OBSL1: variants seen among roughly 807,000 people sequenced by gnomAD.
OBSL1 encodes obscurin like cytoskeletal adaptor 1.
In OBSL1, 160 loss-of-function variants were observed where a neutral mutation model predicts 172.0. The observed-to-expected ratio is 0.93, with a 90% CI of 0.82 to 1.06. The LOEUF (loss-of-function observed/expected upper bound fraction) is 1.06. OBSL1 is among the 50% of genes least tolerant of loss of function. The pLI is 0.00. For synonymous variants in OBSL1, 1,200 were observed against 1,196.3 expected (o/e 1.00, Z -0.06); for missense variants, 2,681 against 2,715.4 (o/e 0.99, Z 0.28).
At position 219,551,019 on chromosome 2, in the gene OBSL1, G is replaced by A. The variant is rs1574512717; in HGVS notation, c.5684-177C>T. 6.1e-6 allele frequency: 9 copies of A among 1,466,890 alleles called. No individual in the cohort carries two copies. The East Asian group carries it at 1.5e-4, about 24-fold the overall frequency. 90.9% of individuals were successfully genotyped at this position (1,466,890 alleles called of 1,614,324 possible). On this transcript the variant is annotated intron_variant, in intron 20 of 20. Coordinates refer to ENST00000404537, the MANE Select transcript of OBSL1 (RefSeq NM_015311.3). ...AGGAAGGTGGGGGTCAGCTAGGGGT[G>A]GGGCACAGCGCGGCACCTGAAGGGA...
Position 219,563,385 on chromosome 2 carries a change from C to T in OBSL1, c.2650G>A (p.Glu884Lys), listed in dbSNP as rs1023984420. 3 of 1,599,536 alleles carry T rather than the reference C, an allele frequency of 1.9e-6. No individual in the cohort carries two copies. Among genetic ancestry groups the T allele is most frequent in the African/African-American group, 1.3e-5 (1 of 74,780 alleles). Residue 884 changes from glutamate (E) to lysine (K), a missense_variant, in exon 7 of 21, where the codon GAG becomes AAG. Coordinates refer to ENST00000404537, the MANE Select transcript of OBSL1 (RefSeq NM_015311.3). ...ATGGTGACAGTGAAGTAGGCACACT[C>T]ATCTCCAGCGACGCACTGAAACTCG... ...GGEFQCVAGDECAYFTVTITD... is the reference protein window; with the variant it reads ...GGEFQCVAGDKCAYFTVTITD...
In OBSL1 at chr2:219,551,578, G is replaced by C. The variant is rs1024820522; in HGVS notation, c.5634C>G (p.Tyr1878Ter). ...HDVRPEDQGTYCCQAGQDSTH... is the reference protein window; with the variant it reads ...HDVRPEDQGT ...TGCTGTCCTGGCCGGCCTGGCAGCAGTAAGTGCCTTGGTCCTCAGGTCGAA... is the reference window on the plus strand; with the variant it reads ...TGCTGTCCTGGCCGGCCTGGCAGCACTAAGTGCCTTGGTCCTCAGGTCGAA... Residue 1878 changes from tyrosine to a stop codon, truncating the protein, a stop_gained, in exon 20 of 21, where the codon TAC (tyrosine) becomes TAG (stop). Transcript: ENST00000404537. LOFTEE classifies it high-confidence loss of function. The C allele has an allele frequency of 1.9e-6, 3 of 1,606,852 alleles. No individual in the cohort carries two copies. Among genetic ancestry groups the C allele is most frequent in the South Asian group, 2.2e-5 (2 of 89,578 alleles).
rs750726248 is a variant in OBSL1, at chr2:219,551,702, C to T, written c.5510G>A (p.Gly1837Asp). 4.3e-6 allele frequency: 7 copies of T among 1,610,210 alleles called. No individual in the cohort carries two copies. The highest frequency in any genetic ancestry group is 2.7e-5 in the African/African-American group (2 of 74,852). The change falls in exon 20 of 21, where the codon GGC becomes GAC. Residue 1837 changes from glycine to aspartate, a missense_variant. By Grantham distance (94) the Gly-to-Asp change is moderately conservative (BLOSUM62 -1). Around this residue, in one of 5 missense-constraint regions of OBSL1, gnomAD observed 1,765 missense variants for 1,748.3 expected, o/e 1.01. Transcript: ENST00000404537. ...VLEVTVSRSG[G>D]HVCWLREGAE... ...CCCCTCCCGCAGCCAGCACACGTGG[C>T]CCCCCGAGCGGGACACAGTCACCTC...
chr2:219,562,015 A>C (rs1212119328), intron 8 of OBSL1: 1 of 717,484 alleles, frequency 1.4e-6, no homozygotes. Flanking sequence ...GACTCTGCAG[A>C]CCAAACAAAG....
chr2:219,565,925 A>G (rs1231514267), intron 5 of OBSL1, among the ~76,000 whole-genome samples: 2 of 152,196 alleles, frequency 1.3e-5, no homozygotes, highest in Admixed American at 6.5e-5. Context: ...AACTCCAGCA[A>G]TGGTGACATG....
chr2:219,567,969 CCT>C lies in OBSL1; in HGVS notation c.1283-2_1283-1del, dbSNP rs1319230808. The C allele has an allele frequency of 6.2e-7, 1 of 1,613,280 alleles. No individual in the cohort carries two copies. Among genetic ancestry groups the C allele is most frequent in the African/African-American group, 1.3e-5 (1 of 74,926 alleles). On this transcript the variant is annotated splice_acceptor_variant, in intron 2 of 20. Transcript: ENST00000404537. LOFTEE classifies it high-confidence loss of function. Reference sequence around the variant, plus strand: ...CCGGGGCAGGCGCTTCAGGATGGGCCCTGAGATGCGGACAGGAATCCATCAAC... The same window carrying C: ...CCGGGGCAGGCGCTTCAGGATGGGCCGAGATGCGGACAGGAATCCATCAAC...
At position 219,551,816 on chromosome 2, in the gene OBSL1, G is replaced by A. The variant is rs745645567; in HGVS notation, c.5414-18C>T. 1.0e-5 allele frequency: 15 copies of A among 1,495,424 alleles called. No individual in the cohort carries two copies. Among genetic ancestry groups the A allele is most frequent in the South Asian group, 3.6e-5 (3 of 82,240 alleles). 92.6% of individuals were successfully genotyped at this position (1,495,424 alleles called of 1,614,324 possible). A position where few individuals can be genotyped will look rare whatever the true frequency, so the allele number is the denominator to read the frequency against. On this transcript the variant is annotated intron_variant, in intron 19 of 20. Transcript: ENST00000404537. ...AGGCAATGCTGGGGGTAGGGGGCGGGGGCTTAAGTTAATAGGGACACGCAT... is the reference window on the plus strand; with the variant it reads ...AGGCAATGCTGGGGGTAGGGGGCGGAGGCTTAAGTTAATAGGGACACGCAT...
At position 219,571,433 on chromosome 2, in the gene OBSL1, C is replaced by T; in HGVS notation, c.-201G>A. 1 of 327,032 alleles carries T rather than the reference C, an allele frequency of 3.1e-6. No homozygotes were observed. Among genetic ancestry groups the T allele is most frequent in the East Asian group, 4.9e-5 (1 of 20,418 alleles). The allele number at this position is 327,032 out of a possible 1,614,324, so 20.3% of individuals were successfully genotyped here. Reference sequence around the variant, plus strand: ...TGCAGCTCTGCGGCGGCGGCGGCGGCGATTCCCGGGCCCGAAGCCTGGCGC... The same window carrying T: ...TGCAGCTCTGCGGCGGCGGCGGCGGTGATTCCCGGGCCCGAAGCCTGGCGC... On this transcript the variant is annotated 5_prime_UTR_variant, in exon 1 of 21. Coordinates refer to ENST00000404537, the MANE Select transcript of OBSL1 (RefSeq NM_015311.3).
rs762886211 is a variant in OBSL1 at position 219,570,268 on chromosome 2, C to G, written c.965G>C (p.Arg322Pro). 6.3e-7 allele frequency: 1 copy of G among 1,597,882 alleles called. No homozygotes were observed. Among genetic ancestry groups the G allele is most frequent in the Non-Finnish European group, 8.5e-7 (1 of 1,169,678 alleles). ...ACTGAGCGTCTGGCCCGCCGAGTTG[C>G]GCGCGGCGCAGACGTAGAGCCCACG... The part of the protein sequence containing the change: ...KDRGLYVCAA[R>P]NSAGQTLSAV... The change falls in exon 1 of 21, where the codon CGC becomes CCC. Residue 322 changes from arginine (R) to proline (P), a missense_variant. By Grantham distance (103) the Arg-to-Pro change is moderately radical. This residue lies in a region of OBSL1 where 706 missense variants were observed against 695.8 expected (regional missense o/e 1.01). Transcript: ENST00000404537.
At chr2:219,555,460 T>C in intron 14 of OBSL1, 1 of 170,940 alleles carries the variant, frequency 5.9e-6, no homozygotes, top group Non-Finnish European at 1.1e-5. Context: ...TATTTTTTTT[T>C]GTGGAGATGG....
chr2:219,549,211 C>T (rs777206977), downstream of OBSL1: 5 of 1,613,834 alleles, frequency 3.1e-6, no homozygotes, highest in South Asian at 1.1e-5. Flanking sequence ...GCAGGAAGAT[C>T]GCAAGGAGAA....
rs1262942374 is a variant in OBSL1 at position 219,561,679 on chromosome 2, C to G, written c.2953+723G>C. 20 of 584,472 alleles carry G rather than the reference C, an allele frequency of 3.4e-5. No individual in the cohort carries two copies. In the East Asian group the frequency reaches 5.8e-4, roughly 17 times the overall value. 36.2% of individuals were successfully genotyped at this position (584,472 alleles called of 1,614,324 possible). On this transcript the variant is annotated intron_variant, in intron 8 of 20. Coordinates refer to ENST00000404537, the MANE Select transcript of OBSL1 (RefSeq NM_015311.3). The stretch of plus-strand genomic sequence containing the variant: ...CCCTCCTGCTCTGTGCTCTTGAGCC[C>G]TCTGCCCTTGGCCCTCACAGTACTT...
chr2:219,571,275 GGGGGGGGT>G lies in OBSL1; in HGVS notation c.-51_-44del. ...TGCAGCGGCGAACGGTGGGGGGGCA[GGGGGGGGT>G]GCGGAGGGCGAGCCGAGGCCCGGGG... On this transcript the variant is annotated 5_prime_UTR_variant, in exon 1 of 21. Transcript: ENST00000404537. 1.3e-6 allele frequency: 1 copy of G among 788,986 alleles called. No individual in the cohort carries two copies. Among genetic ancestry groups the G allele is most frequent in the Non-Finnish European group, 1.6e-6 (1 of 620,702 alleles). The allele number at this position is 788,986 out of a possible 1,614,324, so 48.9% of individuals were successfully genotyped here.
chr2:219,559,326 G>A lies in OBSL1; in HGVS notation c.3125C>T (p.Pro1042Leu), dbSNP rs368412979. The A allele has an allele frequency of 2.5e-6, 4 of 1,613,932 alleles. No homozygotes were observed. The South Asian group carries it at 3.3e-5, about 13-fold the overall frequency. ...AGCAGGTAGCACCAGGCGGCAGCGTGGCCCATCCCTCTCCAGCACCAGGGC... is the reference window on the plus strand; with the variant it reads ...AGCAGGTAGCACCAGGCGGCAGCGTAGCCCATCCCTCTCCAGCACCAGGGC... Reference protein sequence around the residue: ...SEALVLERDGPRCRLVLPAAQ... With the variant: ...SEALVLERDGLRCRLVLPAAQ... The change falls in exon 9 of 21, where the codon CCA becomes CTA. Residue 1042 changes from proline to leucine, a missense_variant. Physicochemically the swap from Pro to Leu is moderately conservative, Grantham distance 98. Transcript: ENST00000404537.
At position 219,567,524 on chromosome 2, in the gene OBSL1, C is replaced by T. The variant is rs1285586424; in HGVS notation, c.1586G>A (p.Gly529Asp). Reference sequence around the variant, plus strand: ...GGTCAACAGGACCGTGTTCTTGTGGCCCTTGAACATCTCTGCCAATATGGG... The same window carrying T: ...GGTCAACAGGACCGTGTTCTTGTGGTCCTTGAACATCTCTGCCAATATGGG... ...GPPILAEMFKGHKNTVLLTWK... is the reference protein window; with the variant it reads ...GPPILAEMFKDHKNTVLLTWK... Residue 529 changes from glycine to aspartate, a missense_variant, in exon 4 of 21, where the codon GGC becomes GAC. By Grantham distance (94) the Gly-to-Asp change is moderately conservative (BLOSUM62 -1). Around this residue, in one of 5 missense-constraint regions of OBSL1, gnomAD observed 706 missense variants for 695.8 expected, o/e 1.01. Coordinates refer to ENST00000404537, the MANE Select transcript of OBSL1 (RefSeq NM_015311.3). 2 of 1,613,224 alleles carry T rather than the reference C, an allele frequency of 1.2e-6. No individual in the cohort carries two copies. Among genetic ancestry groups the T allele is most frequent in the Non-Finnish European group, 1.7e-6 (2 of 1,179,466 alleles).
At chr2:219,548,158 G>C, downstream of OBSL1, 1 of 1,322,524 alleles carries the variant, frequency 7.6e-7, no homozygotes. Context: ...TGACTGGGGA[G>C]TGGGGGACAG....
intron 8 of OBSL1, 117 bp downstream of exon 8, chr2:219,562,285 A>G: frequency 7.7e-7 from 1 of 1,294,906 alleles, no homozygotes; most frequent in Non-Finnish European, 1.1e-6. Context: ...ACCCTGGCAC[A>G]TGCACCTGCA....
intron 3 of OBSL1, 48 bp downstream of exon 3, chr2:219,567,670 C>T: frequency 1.3e-6 from 2 of 1,591,812 alleles, no homozygotes; most frequent in Non-Finnish European, 1.7e-6. Context: ...CGGCATCTGG[C>T]CAACCTCCTG....
At chr2:219,553,290 G>A (rs1695768756) in intron 16 of OBSL1, among the ~76,000 whole-genome samples, 1 of 152,190 alleles carries the variant, frequency 6.6e-6, no homozygotes, top group Non-Finnish European at 1.5e-5. Context: ...CAGGGGACAT[G>A]GGCACGGATT....
Sources: gnomAD v4.1 joint callset for allele counts (sites outside exome capture counted in the v4.1 genomes callset) on GRCh38, gnomAD v4.1.1 for gene constraint, gnomAD v4.1.1 regional missense constraint, MANE v1.5 for transcripts, NCBI Gene and HGNC (gene_info 2026-07-23, HGNC 2026-07-21) for gene names.